Variants in AUTS2 observed in about 807,000 individuals in gnomAD.
AUTS2 encodes the protein activator of transcription and developmental regulator AUTS2, also known as autism susceptibility gene 2 protein.
In AUTS2, 17 loss-of-function variants were observed where a neutral mutation model predicts 112.4. That is an observed-to-expected ratio of 0.15 (90% CI 0.10 to 0.23). The LOEUF is 0.23. Ranked by LOEUF, AUTS2 falls within the 10% of genes least tolerant of loss-of-function variation. AUTS2 has a pLI of 1.00. For synonymous variants in AUTS2, 751 were observed against 702.7 expected (o/e 1.07, Z -1.09); for missense variants, 1,510 against 1,701.6 (o/e 0.89, Z 1.98).
intron 4 of AUTS2, among the ~76,000 whole-genome samples, chr7:70,264,799 A>G (rs763460441): frequency 1.3e-5 from 2 of 152,224 alleles, no homozygotes; most frequent in Non-Finnish European, 2.9e-5. Flanking sequence ...CAGAAGGTAG[A>G]CACAGGTCTC....
intron 2 of AUTS2, among the ~76,000 whole-genome samples, chr7:69,994,049 G>A (rs1469877506): frequency 6.6e-6 from 1 of 152,002 alleles, no homozygotes; most frequent in African/African-American, 2.4e-5. Context: ...TGGAGCTTCA[G>A]ATATAAGAAA....
intron 4 of AUTS2, among the ~76,000 whole-genome samples, chr7:70,382,322 C>T (rs1337158851): frequency 6.6e-6 from 1 of 152,166 alleles, no homozygotes; most frequent in East Asian, 1.9e-4. Flanking sequence ...AGCTTTCTAA[C>T]TCATCTCTCT....
intron 15 of AUTS2, 83 bp from the exon 16 acceptor site, chr7:70,784,859 G>T: frequency 8.1e-7 from 1 of 1,241,094 alleles, no homozygotes; most frequent in East Asian, 2.4e-5. Context: ...TTTTCTCACG[G>T]GGCCCTTAAG....
chr7:69,789,538 C>G (rs1789524911), intron 1 of AUTS2, among the ~76,000 whole-genome samples: 4 of 152,132 alleles, frequency 2.6e-5, no homozygotes, highest in Admixed American at 2.6e-4. Flanking sequence ...TGCTGGGACC[C>G]AGGGCTACTG....
chr7:69,706,353 T>C (rs1287570929), intron 1 of AUTS2, among the ~76,000 whole-genome samples: 1 of 152,156 alleles, frequency 6.6e-6, no homozygotes, highest in East Asian at 1.9e-4. Flanking sequence ...AGGGAATATC[T>C]GTTCTGTTAG....
intron 4 of AUTS2, among the ~76,000 whole-genome samples, chr7:70,418,388 T>G (rs1795079896): frequency 6.6e-6 from 1 of 152,152 alleles, no homozygotes; most frequent in Non-Finnish European, 1.5e-5. Flanking sequence ...CACACAAACC[T>G]AGGGGCTCCA....
At chr7:70,483,257 C>G (rs1262011772) in intron 5 of AUTS2, among the ~76,000 whole-genome samples, 2 of 152,142 alleles carry the variant, frequency 1.3e-5, no homozygotes, top group African/African-American at 4.8e-5. Flanking sequence ...AGCTCCCTAC[C>G]TAGGCTCATG....
At position 70,790,895 on chromosome 7, in the gene AUTS2, C is replaced by T; in HGVS notation, c.3679C>T (p.Leu1227=). 6.3e-7 allele frequency: 1 copy of T among 1,595,792 alleles called. No homozygotes were observed. Among genetic ancestry groups the T allele is most frequent in the Non-Finnish European group, 8.5e-7 (1 of 1,170,742 alleles). ...LSAPPPLIST[L]GGRPVSPRRT... ...CGCACCTCCCCCGCTCATCTCCACGCTGGGGGGCCGCCCGGTCTCTCCCAG... is the reference window on the plus strand; with the variant it reads ...CGCACCTCCCCCGCTCATCTCCACGTTGGGGGGCCGCCCGGTCTCTCCCAG... Residue 1227 remains leucine, a synonymous_variant, in exon 19 of 19, where the codon CTG becomes TTG. Coordinates refer to ENST00000342771, the MANE Select transcript of AUTS2 (RefSeq NM_015570.4). The surrounding 1 kb of genome is among the most constrained non-coding windows in gnomAD (Gnocchi z 7.6).
chr7:69,830,946 T>C (rs1334522406), intron 1 of AUTS2, among the ~76,000 whole-genome samples: 1 of 152,172 alleles, frequency 6.6e-6, no homozygotes, highest in Non-Finnish European at 1.5e-5. Context: ...TTCCCATCAC[T>C]AAACTAAGTA....
chr7:70,193,600 G>T (rs1246320162), intron 4 of AUTS2, among the ~76,000 whole-genome samples: 1 of 152,190 alleles, frequency 6.6e-6, no homozygotes, highest in Non-Finnish European at 1.5e-5. Context: ...CCTAAATGAA[G>T]AGCCTTTTAC....
intron 5 of AUTS2, among the ~76,000 whole-genome samples, chr7:70,522,109 G>A (rs34884177): frequency 0.08 from 12,225 of 152,116 alleles, 584 homozygotes; most frequent in African/African-American, 0.12. Context: ...CCACTCAAGC[G>A]AGGACAACTC....
In AUTS2 at chr7:70,112,499, GT is replaced by G. The variant is rs754453214; in HGVS notation, c.523-5629del. ...TTTAACCTCTGCGTCCTTTTTCATT[GT>G]TTTGTTTTCTTGTTCCTTGATTAGT... On this transcript the variant is annotated intron_variant, in intron 2 of 18. Transcript: ENST00000342771. 2.2e-3 allele frequency among the ~76,000 whole-genome samples: 333 copies of G among 151,848 alleles called. 2 individuals are homozygous for G. Among genetic ancestry groups the G allele is most frequent in the Non-Finnish European group, 3.5e-3 (236 of 67,850 alleles).
chr7:70,055,950 C>T (rs911629369), intron 2 of AUTS2, among the ~76,000 whole-genome samples: 1 of 151,882 alleles, frequency 6.6e-6, no homozygotes, highest in African/African-American at 2.4e-5. Context: ...TGCCAAACTG[C>T]TGAGATTATA....
intron 5 of AUTS2, chr7:70,436,609 G>C (rs1261944144): frequency 6.6e-6 from 1 of 152,236 alleles, no homozygotes; most frequent in Non-Finnish European, 1.5e-5. Flanking sequence ...TGTATTGCTT[G>C]GTATCAAAAG....
chr7:70,311,603 G>C (rs1281720652), intron 4 of AUTS2, among the ~76,000 whole-genome samples: 1 of 152,108 alleles, frequency 6.6e-6, no homozygotes, highest in Non-Finnish European at 1.5e-5. Context: ...GTCACCCGGG[G>C]TGGAGTGCAG....
At chr7:70,440,377 G>A (rs1312700073) in intron 5 of AUTS2, among the ~76,000 whole-genome samples, 1 of 152,044 alleles carries the variant, frequency 6.6e-6, no homozygotes, top group Non-Finnish European at 1.5e-5. Flanking sequence ...CCACTACACT[G>A]CACTCCAGCC....
chr7:69,692,261 A>G (rs948178660), intron 1 of AUTS2, among the ~76,000 whole-genome samples: 2 of 152,228 alleles, frequency 1.3e-5, no homozygotes, highest in African/African-American at 4.8e-5. Flanking sequence ...GAGGAGAATA[A>G]CCACACCTTT....
chr7:70,778,037 C>T (rs929084800), intron 14 of AUTS2, among the ~76,000 whole-genome samples: 34 of 152,190 alleles, frequency 2.2e-4, no homozygotes, highest in African/African-American at 7.7e-4. Context: ...GCAGGAGCCA[C>T]GTTCTGGCTA....
intron 8 of AUTS2, 46 bp downstream of exon 8, chr7:70,765,051 C>T (rs1789847930): frequency 6.2e-7 from 1 of 1,606,202 alleles, no homozygotes; most frequent in Admixed American, 1.7e-5. Context: ...CCCACCGCCC[C>T]TCGCTGTGAC....
Sources: gnomAD v4.1 joint callset for allele counts (sites outside exome capture counted in the v4.1 genomes callset) on GRCh38, gnomAD v4.1.1 for gene constraint, Gnocchi (gnomAD v3.1) non-coding constraint, MANE v1.5 for transcripts, NCBI Gene and HGNC (gene_info 2026-07-23, HGNC 2026-07-21) for gene names.